ROBO2: variants seen among roughly 807,000 people sequenced by gnomAD.
The protein encoded by ROBO2 is roundabout homolog 2.
A neutral mutation model predicts 160.8 loss-of-function variants in ROBO2; 53 were observed. The observed-to-expected ratio is 0.33, with a 90% CI of 0.26 to 0.41. ROBO2 has a LOEUF of 0.41. Ranked by LOEUF, ROBO2 falls within the 10% of genes least tolerant of loss-of-function variation. The probability of loss-of-function intolerance (pLI) is 1.00; values close to 1 mark genes in which losing one functional copy is unlikely to be tolerated. For synonymous variants in ROBO2, 664 were observed against 611.7 expected (o/e 1.09, Z -1.26); for missense variants, 1,577 against 1,722.4 (o/e 0.92, Z 1.49).
At chr3:77,316,660 C>T in intron 2 of ROBO2, 1 of 653,762 alleles carries the variant, frequency 1.5e-6, no homozygotes, top group South Asian at 1.7e-5. Flanking sequence ...GCAATACTTG[C>T]ATCCCAGTCA....
rs2080534529 is a variant in ROBO2 at position 76,502,761 on chromosome 3, T to TTAATA, written c.109+565163_109+565164insATAAT. 7.2e-5 allele frequency among the ~76,000 whole-genome samples: 11 copies of TTAATA among 152,170 alleles called. 2 individuals carry two copies. Among genetic ancestry groups the TTAATA allele is most frequent in the African/African-American group, 2.4e-4 (10 of 41,514 alleles). The stretch of plus-strand genomic sequence containing the variant: ...TGATGATTTGAACACGGTGGCATAG[T>TTAATA]TAATTATAAAGAATATCAAATCCTT... On this transcript the variant is annotated intron_variant, in intron 2 of 26. Transcript: ENST00000487694.
intron 2 of ROBO2, among the ~76,000 whole-genome samples, chr3:77,393,652 A>G (rs1033949748): frequency 5.3e-5 from 8 of 150,122 alleles, no homozygotes; most frequent in Non-Finnish European, 1.0e-4. Context: ...CTTTGCAAAG[A>G]CAACTTCACA....
At chr3:76,707,550 G>C (rs1180442007) in intron 2 of ROBO2, among the ~76,000 whole-genome samples, 2 of 151,684 alleles carry the variant, frequency 1.3e-5, no homozygotes, top group Non-Finnish European at 2.9e-5. Flanking sequence ...AAGTTCCCAA[G>C]GCTGGTGACT....
intron 4 of ROBO2, among the ~76,000 whole-genome samples, chr3:77,485,831 T>C (rs1446094552): frequency 6.6e-6 from 1 of 152,158 alleles, no homozygotes; most frequent in Non-Finnish European, 1.5e-5. Flanking sequence ...GTAGGTTTGT[T>C]ACCTAGGTAA....
At chr3:75,951,650 C>G (rs1018167351) in intron 2 of ROBO2, among the ~76,000 whole-genome samples, 1 of 151,986 alleles carries the variant, frequency 6.6e-6, no homozygotes, top group African/African-American at 2.4e-5. Flanking sequence ...AAATGCTCTG[C>G]TTTTAAAACA....
chr3:76,242,338 A>T (rs1246268318), intron 2 of ROBO2, among the ~76,000 whole-genome samples: 1 of 152,138 alleles, frequency 6.6e-6, no homozygotes, highest in Non-Finnish European at 1.5e-5. Context: ...CACCCTATGG[A>T]GCGGGGCAGT....
At chr3:76,392,707 TAG>T (rs2077216088) in intron 2 of ROBO2, among the ~76,000 whole-genome samples, 1 of 152,196 alleles carries the variant, frequency 6.6e-6, no homozygotes, top group Non-Finnish European at 1.5e-5. Flanking sequence ...TTTTGTTTTA[TAG>T]AAGATAGATA....
chr3:76,731,823 T>C (rs1422648579), intron 2 of ROBO2, among the ~76,000 whole-genome samples: 1 of 152,218 alleles, frequency 6.6e-6, no homozygotes, highest in Non-Finnish European at 1.5e-5. Flanking sequence ...TCATGGGGAC[T>C]CTATTTTGAA....
At chr3:76,147,312 T>C (rs1265581036) in intron 2 of ROBO2, among the ~76,000 whole-genome samples, 1 of 151,808 alleles carries the variant, frequency 6.6e-6, no homozygotes, top group Non-Finnish European at 1.5e-5. Context: ...GTAATGAACA[T>C]ATTCAACATT....
chr3:76,834,171 TTCTC>T lies in ROBO2; in HGVS notation c.110-263827_110-263824del, dbSNP rs1553651478. 9.0e-4 allele frequency among the ~76,000 whole-genome samples: 105 copies of T among 117,106 alleles called. 3 individuals carry two copies. Among genetic ancestry groups the T allele is most frequent in the South Asian group, 6.0e-3 (19 of 3,180 alleles). 76.8% of individuals were successfully genotyped at this position (117,106 alleles called of 152,430 possible). ...CCTTTCTTTCTCTCTCTTTCTTTCT[TTCTC>T]TCTCTCTCTCTCTCTTTCTTTCTTT... On this transcript the variant is annotated intron_variant, in intron 2 of 26. Transcript: ENST00000487694.
rs534321837 is a variant in ROBO2, at chr3:77,088,011, C to T, written c.62-10003C>T. Among the ~76,000 whole-genome samples the T allele has an allele frequency of 2.2e-3, 340 of 152,230 alleles. 1 individual carries two copies. Among genetic ancestry groups the T allele is most frequent in the African/African-American group, 8.0e-3 (331 of 41,536 alleles). On this transcript the variant is annotated intron_variant, in intron 1 of 25. Coordinates refer to ENST00000461745, the Ensembl canonical transcript of ROBO2. ...CCTGCACTCCCTACGGGTGCTGAGGCTCTACCTGTCACTGGGGCCCACTTG... is the reference window on the plus strand; with the variant it reads ...CCTGCACTCCCTACGGGTGCTGAGGTTCTACCTGTCACTGGGGCCCACTTG...
At chr3:76,363,506 C>T (rs77190073) in intron 2 of ROBO2, among the ~76,000 whole-genome samples, 2,148 of 152,146 alleles carry the variant, frequency 0.014, 42 homozygotes, top group African/African-American at 0.049. Flanking sequence ...ACAACAAGAA[C>T]AGGTAGTTCT....
intron 2 of ROBO2, among the ~76,000 whole-genome samples, chr3:76,578,532 G>T (rs1338392253): frequency 6.6e-6 from 1 of 151,874 alleles, no homozygotes; most frequent in African/African-American, 2.4e-5. Flanking sequence ...TGGACTCTTC[G>T]ATCATCATCC....
intron 2 of ROBO2, among the ~76,000 whole-genome samples, chr3:76,179,388 C>T (rs572139724): frequency 6.6e-6 from 1 of 152,256 alleles, no homozygotes; most frequent in African/African-American, 2.4e-5. Flanking sequence ...CCCCAGTGTT[C>T]CAGATGGTTC....
chr3:76,639,266 A>T (rs1029795882), intron 2 of ROBO2, among the ~76,000 whole-genome samples: 2 of 151,950 alleles, frequency 1.3e-5, no homozygotes, highest in African/African-American at 2.4e-5. Context: ...ATGTATGTTT[A>T]TATGTACATA....
chr3:76,537,260 G>C (rs2082556124), intron 2 of ROBO2, among the ~76,000 whole-genome samples: 1 of 152,062 alleles, frequency 6.6e-6, no homozygotes, highest in African/African-American at 2.4e-5. Context: ...CTGGACATAA[G>C]GCACCTCAGA....
At chr3:76,750,894 C>T (rs1169637522) in intron 2 of ROBO2, among the ~76,000 whole-genome samples, 6 of 152,040 alleles carry the variant, frequency 3.9e-5, no homozygotes, top group Non-Finnish European at 5.9e-5. Context: ...AGATTCAATG[C>T]CATCCCCATC....
At position 76,819,179 on chromosome 3, in the gene ROBO2, G is replaced by T. The variant is rs554609129; in HGVS notation, c.110-278835G>T. On this transcript the variant is annotated intron_variant, in intron 2 of 26. Coordinates refer to the ROBO2 transcript ENST00000487694. ...GAATGAATTACACAAAGCGGAGAGT[G>T]CTAAGAGCACATAACAAGACACCTA... is the stretch of plus-strand genomic sequence containing the variant. Among the ~76,000 whole-genome samples the T allele has an allele frequency of 5.9e-5, 9 of 152,200 alleles. No homozygotes were observed. In the South Asian group the frequency reaches 1.9e-3, roughly 32 times the overall value.
intron 4 of ROBO2, among the ~76,000 whole-genome samples, chr3:77,483,795 G>A (rs1412545749): frequency 6.8e-6 from 1 of 148,106 alleles, no homozygotes; most frequent in East Asian, 1.9e-4. Context: ...ATATAATAAA[G>A]TTACATTTAA....
Sources: allele counts gnomAD v4.1 joint callset (sites outside exome capture counted in the v4.1 genomes callset), GRCh38; gene constraint gnomAD v4.1.1; transcripts MANE v1.5; gene names NCBI Gene and HGNC (gene_info 2026-07-23, HGNC 2026-07-21).